Variants in ALK observed in about 807,000 individuals in gnomAD.
The protein encoded by ALK is ALK tyrosine kinase receptor.
In ALK, 74 loss-of-function variants were observed where a neutral mutation model predicts 163.1. The observed-to-expected ratio is 0.45, with a 90% CI of 0.38 to 0.55. The LOEUF (loss-of-function observed/expected upper bound fraction) is 0.55. ALK is among the 20% of genes least tolerant of loss of function. The pLI, the probability that ALK is intolerant of heterozygous loss-of-function variation, is 0.00. For synonymous variants in ALK, 960 were observed against 843.2 expected (o/e 1.14, Z -2.40); for missense variants, 2,063 against 2,105.3 (o/e 0.98, Z 0.39).
chr2:29,275,460 T>G lies in ALK; in HGVS notation c.1854A>C (p.Gly618=), dbSNP rs145060046. ...TGTCAAAAGCCACGATGGCTCTGGA[T>G]CCTTGTCCCCACCATGCGACCATCT... The part of the protein sequence containing the change: ...WLQMVAWWGQ[G]SRAIVAFDNI... Residue 618 remains glycine, a synonymous_variant, in exon 10 of 29, where the codon GGA becomes GGC. Coordinates refer to ENST00000389048, the MANE Select transcript of ALK (RefSeq NM_004304.5). 81 of 1,614,002 alleles carry G rather than the reference T, an allele frequency of 5.0e-5. No individual in the cohort carries two copies. Among genetic ancestry groups the G allele is most frequent in the Non-Finnish European group, 6.1e-5 (72 of 1,180,012 alleles).
At chr2:29,289,035 C>G (rs939100579) in intron 9 of ALK, among the ~76,000 whole-genome samples, 5 of 151,606 alleles carry the variant, frequency 3.3e-5, no homozygotes, top group African/African-American at 1.2e-4. Context: ...GACTCTTCTG[C>G]TTCTTAGTTG....
chr2:29,274,970 G>C lies in ALK; in HGVS notation c.2041+129C>G, dbSNP rs531284461. ...CCTTGGACCCCATAGTCAGAGTGTAGGTGATACTCCTTCTAAAGACTGTTT... is the reference window on the plus strand; with the variant it reads ...CCTTGGACCCCATAGTCAGAGTGTACGTGATACTCCTTCTAAAGACTGTTT... On this transcript the variant is annotated intron_variant, in intron 11 of 28. Coordinates refer to ENST00000389048, the MANE Select transcript of ALK (RefSeq NM_004304.5). 4.4e-5 allele frequency: 55 copies of C among 1,247,130 alleles called. No individual in the cohort carries two copies. The African/African-American group carries it at 7.1e-4, about 16-fold the overall frequency. The allele number at this position is 1,247,130 out of a possible 1,614,324, so 77.3% of individuals were successfully genotyped here.
chr2:29,678,967 T>C (rs1203258467), intron 3 of ALK, among the ~76,000 whole-genome samples: 4 of 151,908 alleles, frequency 2.6e-5, no homozygotes, highest in South Asian at 2.1e-4. Flanking sequence ...TTGGGAGTTA[T>C]TGAAATCTCC....
At chr2:29,871,965 A>C (rs1455880748) in intron 1 of ALK, among the ~76,000 whole-genome samples, 1 of 152,226 alleles carries the variant, frequency 6.6e-6, no homozygotes, top group African/African-American at 2.4e-5. Flanking sequence ...TCCTGGCCAA[A>C]GAAACCAGGC....
chr2:29,576,345 T>C (rs1397382690), intron 3 of ALK, among the ~76,000 whole-genome samples: 4 of 152,218 alleles, frequency 2.6e-5, no homozygotes, highest in Non-Finnish European at 5.9e-5. Flanking sequence ...TCTAGGGCCA[T>C]GCTGCCGGCC....
At chr2:29,709,208 G>A (rs949996605) in intron 2 of ALK, among the ~76,000 whole-genome samples, 2 of 152,210 alleles carry the variant, frequency 1.3e-5, no homozygotes, top group African/African-American at 4.8e-5. Flanking sequence ...GCTCAAAGTA[G>A]TTAAAATCAC....
At chr2:29,417,472 A>G (rs887590909) in intron 4 of ALK, among the ~76,000 whole-genome samples, 3 of 152,252 alleles carry the variant, frequency 2.0e-5, no homozygotes, top group Non-Finnish European at 4.4e-5. Flanking sequence ...ATAGACCCAT[A>G]GAATTTCATC....
intron 3 of ALK, among the ~76,000 whole-genome samples, chr2:29,596,016 T>C (rs756975978): frequency 6.6e-6 from 1 of 152,006 alleles, no homozygotes; most frequent in Non-Finnish European, 1.5e-5. Flanking sequence ...AGTAAACGAG[T>C]GTCCACTTAG....
At chr2:29,726,992 G>A (rs745321483) in intron 1 of ALK, among the ~76,000 whole-genome samples, 17 of 152,214 alleles carry the variant, frequency 1.1e-4, no homozygotes, top group Non-Finnish European at 1.9e-4. Flanking sequence ...CTGGGGAACA[G>A]GGGTTGGGAA....
At chr2:29,572,280 T>A (rs984680012) in intron 3 of ALK, among the ~76,000 whole-genome samples, 2 of 152,156 alleles carry the variant, frequency 1.3e-5, no homozygotes, top group African/African-American at 4.8e-5. Context: ...TGTGGAGAGG[T>A]CTTGAGCCCT....
At position 29,771,736 on chromosome 2, in the gene ALK, G is replaced by A. The variant is rs564653857; in HGVS notation, c.668-54039C>T. ...TTTTTAGTAGAGACGGGGTTTCACC[G>A]TGTTAGCCAGGATGGTCTCGATTGC... On this transcript the variant is annotated intron_variant, in intron 1 of 28. Transcript: ENST00000389048. Among the ~76,000 whole-genome samples, 56 of 152,092 alleles carry A rather than the reference G, an allele frequency of 3.7e-4. 1 individual carries two copies. Among genetic ancestry groups the A allele is most frequent in the East Asian group, 5.8e-4 (3 of 5,160 alleles).
chr2:29,314,427 G>A (rs1047122080), intron 8 of ALK, among the ~76,000 whole-genome samples: 3 of 152,116 alleles, frequency 2.0e-5, no homozygotes, highest in African/African-American at 7.2e-5. Flanking sequence ...GTGACGTCAG[G>A]GGTGGAAAGG....
At chr2:29,536,732 C>G (rs2148162475) in intron 3 of ALK, among the ~76,000 whole-genome samples, 1 of 152,220 alleles carries the variant, frequency 6.6e-6, no homozygotes, top group East Asian at 1.9e-4. Flanking sequence ...TTCTTAGAGA[C>G]TAATTAAATA....
chr2:29,799,381 T>C (rs1377443283), intron 1 of ALK, among the ~76,000 whole-genome samples: 2 of 152,118 alleles, frequency 1.3e-5, no homozygotes, highest in African/African-American at 4.8e-5. Flanking sequence ...AATAAAGTAA[T>C]AGCAGCTGGG....
intron 3 of ALK, among the ~76,000 whole-genome samples, chr2:29,655,082 T>C (rs1477991897): frequency 6.6e-6 from 1 of 152,120 alleles, no homozygotes; most frequent in Non-Finnish European, 1.5e-5. Context: ...GGAATATAAA[T>C]CAGAGAAATG....
At chr2:29,615,599 T>A (rs190491089) in intron 3 of ALK, among the ~76,000 whole-genome samples, 1 of 152,330 alleles carries the variant, frequency 6.6e-6, no homozygotes, top group Admixed American at 6.5e-5. Context: ...TTACTGTTGT[T>A]ATCAATACTA....
intron 4 of ALK, among the ~76,000 whole-genome samples, chr2:29,461,459 C>T (rs1240045408): frequency 6.6e-6 from 1 of 152,174 alleles, no homozygotes; most frequent in African/African-American, 2.4e-5. Context: ...AGGGCAAATG[C>T]AGCTGGTGAC....
chr2:29,539,115 T>C (rs1316325607), intron 3 of ALK, among the ~76,000 whole-genome samples: 2 of 152,150 alleles, frequency 1.3e-5, no homozygotes, highest in African/African-American at 4.8e-5. Context: ...TGATTAAGTA[T>C]TTTGTGTTTT....
chr2:29,413,639 C>A (rs1476184060), intron 4 of ALK, among the ~76,000 whole-genome samples: 1 of 152,190 alleles, frequency 6.6e-6, no homozygotes, highest in Admixed American at 6.5e-5. Context: ...TCAAGCAAGT[C>A]TCCTGCCTCA....
Sources: gnomAD v4.1 joint callset for allele counts (sites outside exome capture counted in the v4.1 genomes callset) on GRCh38, gnomAD v4.1.1 for gene constraint, MANE v1.5 for transcripts, NCBI Gene and HGNC (gene_info 2026-07-23, HGNC 2026-07-21) for gene names.